Variants in DGKB observed in about 807,000 individuals in gnomAD.
The protein encoded by DGKB is 90 kDa diacylglycerol kinase.
A neutral mutation model predicts 114.3 loss-of-function variants in DGKB; 67 were observed. The ratio of observed to expected loss-of-function variants is 0.59; its 90% CI spans 0.48 to 0.72. DGKB has a LOEUF of 0.72. DGKB is among the 30% of genes least tolerant of loss of function. DGKB has a pLI of 0.00. For missense variants in DGKB, 907 were observed against 975.2 expected (o/e 0.93, Z 0.93); for synonymous variants, 398 against 323.1 (o/e 1.23, Z -2.49).
chr7:14,773,377 A>C (rs1837695837), intron 2 of DGKB, among the ~76,000 whole-genome samples: 2 of 152,130 alleles, frequency 1.3e-5, no homozygotes, highest in Admixed American at 1.3e-4. Flanking sequence ...TAAAAAAATC[A>C]ATGTTTAACA....
intron 21 of DGKB, among the ~76,000 whole-genome samples, chr7:14,417,254 C>G (rs1232977053): frequency 6.6e-6 from 1 of 151,882 alleles, no homozygotes; most frequent in South Asian, 2.1e-4. Flanking sequence ...TTCACAATTT[C>G]AAAGATTTAG....
chr7:14,902,272 T>C (rs1051355771), intron 1 of DGKB, among the ~76,000 whole-genome samples: 1 of 152,208 alleles, frequency 6.6e-6, no homozygotes, highest in Non-Finnish European at 1.5e-5. Context: ...GACAAGCTGC[T>C]ATCTCATTGG....
chr7:14,180,924 A>C (rs1033328606), intron 23 of DGKB, among the ~76,000 whole-genome samples: 1 of 152,064 alleles, frequency 6.6e-6, no homozygotes, highest in African/African-American at 2.4e-5. Context: ...AACCTATTTA[A>C]TTGGTTTGCT....
intron 1 of DGKB, among the ~76,000 whole-genome samples, chr7:14,950,289 C>G (rs1257641174): frequency 6.6e-6 from 1 of 151,728 alleles, no homozygotes; most frequent in Non-Finnish European, 1.5e-5. Context: ...GCTGTAAACT[C>G]CTACGTTAAA....
intron 1 of DGKB, among the ~76,000 whole-genome samples, chr7:14,925,484 A>G (rs1032237707): frequency 6.6e-6 from 1 of 152,156 alleles, no homozygotes; most frequent in African/African-American, 2.4e-5. Flanking sequence ...TTATAGGTCA[A>G]TTTATGGAGT....
At chr7:14,747,644 A>T (rs193297484) in intron 4 of DGKB, among the ~76,000 whole-genome samples, 1 of 152,222 alleles carries the variant, frequency 6.6e-6, no homozygotes, top group East Asian at 1.9e-4. Flanking sequence ...CTTTTTGAAG[A>T]CTGTGACCTT....
intron 1 of DGKB, among the ~76,000 whole-genome samples, chr7:14,929,904 TGA>T (rs1191395763): frequency 6.6e-6 from 1 of 152,192 alleles, no homozygotes; most frequent in Non-Finnish European, 1.5e-5. Flanking sequence ...TTGTATATGT[TGA>T]GAGATAGGGG....
intron 23 of DGKB, among the ~76,000 whole-genome samples, chr7:14,221,791 C>G (rs1790018969): frequency 6.7e-6 from 1 of 149,656 alleles, no homozygotes; most frequent in African/African-American, 2.5e-5. Context: ...CCATCTGGGT[C>G]TTTGCTTTTC....
At chr7:14,156,796 G>C (rs780359276) in intron 25 of DGKB, among the ~76,000 whole-genome samples, 12 of 152,034 alleles carry the variant, frequency 7.9e-5, no homozygotes, top group Non-Finnish European at 1.6e-4. Flanking sequence ...ATTTTCTTTG[G>C]CGTATCTTTA....
intron 2 of DGKB, among the ~76,000 whole-genome samples, chr7:14,774,222 C>A (rs144256505): frequency 2.9e-3 from 437 of 152,272 alleles, no homozygotes; most frequent in African/African-American, 9.9e-3. Flanking sequence ...TGGAAAGTAT[C>A]TCCTCCAAAG....
At chr7:14,849,956 CTTATAT>C (rs1198617506) in intron 1 of DGKB, among the ~76,000 whole-genome samples, 1 of 152,114 alleles carries the variant, frequency 6.6e-6, no homozygotes, top group Non-Finnish European at 1.5e-5. Flanking sequence ...GAGACGAGTT[CTTATAT>C]TTAGAGATTA....
intron 23 of DGKB, among the ~76,000 whole-genome samples, chr7:14,330,371 C>G (rs1054666387): frequency 1.3e-5 from 2 of 151,876 alleles, no homozygotes; most frequent in African/African-American, 4.8e-5. Context: ...TCCCTGTGTA[C>G]CTTTTTGGAT....
intron 20 of DGKB, among the ~76,000 whole-genome samples, chr7:14,537,088 A>G (rs1350286749): frequency 6.6e-6 from 1 of 152,150 alleles, no homozygotes; most frequent in East Asian, 1.9e-4. Flanking sequence ...AAAGAAAAAT[A>G]CACCCAAGAA....
At chr7:14,798,011 G>A (rs1436024289) in intron 2 of DGKB, among the ~76,000 whole-genome samples, 1 of 152,160 alleles carries the variant, frequency 6.6e-6, no homozygotes, top group Non-Finnish European at 1.5e-5. Context: ...CCGAAATCAG[G>A]TTGCTGTCTG....
At chr7:14,759,581 T>C (rs192367333) in intron 2 of DGKB, among the ~76,000 whole-genome samples, 1 of 152,304 alleles carries the variant, frequency 6.6e-6, no homozygotes, top group Admixed American at 6.5e-5. Context: ...ATAACATGTA[T>C]CAGTACTTCA....
intron 1 of DGKB, among the ~76,000 whole-genome samples, chr7:14,967,853 G>A (rs2115296415): frequency 6.6e-6 from 1 of 152,142 alleles, no homozygotes; most frequent in East Asian, 1.9e-4. Context: ...ATTTTAGCCA[G>A]ATAAAATAAT....
At chr7:14,660,707 A>C (rs1279555335) in intron 13 of DGKB, among the ~76,000 whole-genome samples, 1 of 151,940 alleles carries the variant, frequency 6.6e-6, no homozygotes, top group Non-Finnish European at 1.5e-5. Context: ...AAACTACTTT[A>C]AAGTTCATAT....
At chr7:14,494,318 T>G (rs1584375027) in intron 20 of DGKB, among the ~76,000 whole-genome samples, 1 of 152,092 alleles carries the variant, frequency 6.6e-6, no homozygotes, top group East Asian at 1.9e-4. Flanking sequence ...TATTTTAATT[T>G]TAGAATTTTA....
At chr7:14,564,426 G>C (rs1162048766) in intron 20 of DGKB, among the ~76,000 whole-genome samples, 1 of 152,042 alleles carries the variant, frequency 6.6e-6, no homozygotes. Flanking sequence ...AAATGAGTCT[G>C]GTTTTGCATT....
Sources: allele counts gnomAD v4.1 joint callset (sites outside exome capture counted in the v4.1 genomes callset), GRCh38; gene constraint gnomAD v4.1.1; transcripts MANE v1.5; gene names NCBI Gene and HGNC (gene_info 2026-07-23, HGNC 2026-07-21).